CDH10: variants seen among roughly 807,000 people sequenced by gnomAD.
The protein encoded by CDH10 is cadherin 10, also known as cadherin-10.
CDH10 carries 30 observed loss-of-function variants against 73.1 expected under a neutral mutation model. The ratio of observed to expected loss-of-function variants is 0.41; its 90% CI spans 0.31 to 0.56. The LOEUF (loss-of-function observed/expected upper bound fraction) is 0.56. Among genes scored for constraint, CDH10 ranks in the 20% least tolerant of loss-of-function variants. CDH10 has a pLI of 0.27. For missense variants in CDH10, 815 were observed against 973.7 expected (o/e 0.84, Z 2.17); for synonymous variants, 345 against 348.2 (o/e 0.99, Z 0.10).
chr5:24,587,283 A>T (rs1369018626), intron 2 of CDH10, among the ~76,000 whole-genome samples: 1 of 152,224 alleles, frequency 6.6e-6, no homozygotes, highest in Non-Finnish European at 1.5e-5. Flanking sequence ...GAATATATGA[A>T]CATATGCCAA....
chr5:24,602,919 C>T (rs1021332141), intron 1 of CDH10, among the ~76,000 whole-genome samples: 2 of 152,102 alleles, frequency 1.3e-5, no homozygotes, highest in African/African-American at 2.4e-5. Flanking sequence ...AGAATACATG[C>T]TTCCTGAATA....
intron 8 of CDH10, among the ~76,000 whole-genome samples, chr5:24,503,273 G>T (rs1579726764): frequency 6.6e-6 from 1 of 152,114 alleles, no homozygotes; most frequent in East Asian, 1.9e-4. Context: ...AAATTTATGG[G>T]CTTAATTTTT....
At chr5:24,600,219 T>C (rs538645711) in intron 1 of CDH10, among the ~76,000 whole-genome samples, 7 of 152,320 alleles carry the variant, frequency 4.6e-5, no homozygotes, top group Admixed American at 4.6e-4. Flanking sequence ...AAACATGTTA[T>C]TAGTTGTGTA....
intron 2 of CDH10, among the ~76,000 whole-genome samples, chr5:24,578,779 C>T (rs897237094): frequency 6.6e-6 from 1 of 152,046 alleles, no homozygotes; most frequent in African/African-American, 2.4e-5. Flanking sequence ...TTCCATCTCA[C>T]AGAAATTATT....
chr5:24,497,680 A>G (rs908075312), intron 9 of CDH10, among the ~76,000 whole-genome samples: 1 of 152,160 alleles, frequency 6.6e-6, no homozygotes, highest in Admixed American at 6.5e-5. Context: ...AAATAAACAC[A>G]TTTGATTCCC....
chr5:24,494,955 G>GA (rs1742215229), intron 9 of CDH10, among the ~76,000 whole-genome samples: 1 of 150,960 alleles, frequency 6.6e-6, no homozygotes, highest in Admixed American at 6.6e-5. Flanking sequence ...AAGATAATAG[G>GA]TTTTTTTTTC....
intron 1 of CDH10, among the ~76,000 whole-genome samples, chr5:24,603,350 C>A (rs1010566599): frequency 6.6e-6 from 1 of 152,018 alleles, no homozygotes; most frequent in African/African-American, 2.4e-5. Context: ...ACTCTGACAC[C>A]AAAACGATAA....
intron 1 of CDH10, among the ~76,000 whole-genome samples, chr5:24,633,547 C>T (rs940470072): frequency 6.6e-6 from 1 of 151,692 alleles, no homozygotes; most frequent in African/African-American, 2.4e-5. Context: ...TAATTCAGCC[C>T]CTGGTTTCTT....
intron 1 of CDH10, among the ~76,000 whole-genome samples, chr5:24,614,675 C>T (rs1440645496): frequency 2.6e-5 from 4 of 152,054 alleles, no homozygotes; most frequent in Non-Finnish European, 1.5e-5. Flanking sequence ...GTAAACAGAA[C>T]CAGTGACAAT....
intron 1 of CDH10, among the ~76,000 whole-genome samples, chr5:24,610,621 A>G (rs1412751396): frequency 1.3e-5 from 2 of 152,176 alleles, no homozygotes; most frequent in Non-Finnish European, 2.9e-5. Context: ...GATTTAATTT[A>G]TTTCTGGTGA....
At chr5:24,622,864 C>T (rs533246740) in intron 1 of CDH10, among the ~76,000 whole-genome samples, 38 of 152,116 alleles carry the variant, frequency 2.5e-4, no homozygotes, top group African/African-American at 8.2e-4. Context: ...AGTATCATTC[C>T]GTTTTGTAAA....
rs1475157962 is a variant in CDH10, at chr5:24,487,865, T to A, written c.2165A>T (p.Asp722Val). ...GTAGGGGGGTGCGGTGGGGTCAAGA[T>A]CATGCTCTTTTAGCCTTTCATTAAT... Reference protein sequence around the residue: ...DFINERLKEHDLDPTAPPYDS... With the variant: ...DFINERLKEHVLDPTAPPYDS... The change falls in exon 12 of 12, where the codon GAT (aspartate) becomes GTT (valine). Residue 722 changes from aspartate to valine, a missense_variant. Asp to Val is a radical substitution (Grantham distance 152). This residue lies in a region of CDH10 where 241 missense variants were observed against 240.3 expected (regional missense o/e 1.00). Coordinates refer to ENST00000264463, the MANE Select transcript of CDH10 (RefSeq NM_006727.5). 6.2e-7 allele frequency: 1 copy of A among 1,613,938 alleles called. No individual in the cohort carries two copies. The highest frequency in any genetic ancestry group is 2.2e-5 in the East Asian group (1 of 44,842).
At chr5:24,547,411 C>G (rs896128612) in intron 2 of CDH10, among the ~76,000 whole-genome samples, 20 of 152,070 alleles carry the variant, frequency 1.3e-4, no homozygotes, top group African/African-American at 4.8e-4. Flanking sequence ...GCTGCTTTTT[C>G]CCGAGGGAAT....
chr5:24,630,852 T>G (rs555110712), intron 1 of CDH10, among the ~76,000 whole-genome samples: 1 of 152,230 alleles, frequency 6.6e-6, no homozygotes, highest in South Asian at 2.1e-4. Flanking sequence ...TGATAATATT[T>G]AATAGGCATT....
chr5:24,640,879 C>A (rs1350698891), intron 1 of CDH10, among the ~76,000 whole-genome samples: 1 of 151,630 alleles, frequency 6.6e-6, no homozygotes, highest in Non-Finnish European at 1.5e-5. Flanking sequence ...GAAAATAAAG[C>A]ACTTTCATTC....
At chr5:24,520,314 T>C (rs901397116) in intron 5 of CDH10, among the ~76,000 whole-genome samples, 2 of 152,158 alleles carry the variant, frequency 1.3e-5, no homozygotes, top group African/African-American at 4.8e-5. Flanking sequence ...GCTATACTTA[T>C]ATGGAAAAAT....
At chr5:24,498,614 A>T (rs1349984252) in intron 8 of CDH10, 95 bp from the exon 9 acceptor site, 1 of 740,184 alleles carries the variant, frequency 1.4e-6, no homozygotes, top group African/African-American at 1.8e-5. Flanking sequence ...GTGCTCACAT[A>T]CAAATAAGCA....
chr5:24,522,073 T>G (rs6882789), intron 5 of CDH10, among the ~76,000 whole-genome samples: 150,633 of 152,274 alleles, frequency 0.99, 74,527 homozygotes, highest in Middle Eastern at 1. Flanking sequence ...GGCAGGAGTT[T>G]CAGTGAGCCG....
At chr5:24,580,906 T>C (rs983284368) in intron 2 of CDH10, among the ~76,000 whole-genome samples, 1 of 152,156 alleles carries the variant, frequency 6.6e-6, no homozygotes, top group African/African-American at 2.4e-5. Context: ...TCTACTTCCA[T>C]TGTCACATCT....
Sources: allele counts gnomAD v4.1 joint callset (sites outside exome capture counted in the v4.1 genomes callset), GRCh38; gene constraint gnomAD v4.1.1; regional missense constraint gnomAD v4.1.1; transcripts MANE v1.5; gene names NCBI Gene and HGNC (gene_info 2026-07-23, HGNC 2026-07-21).